Variants in CTNNA3 observed in about 807,000 individuals in gnomAD.
The protein encoded by CTNNA3 is catenin alpha 3, also known as catenin alpha-3.
Under a neutral mutation model 95.7 loss-of-function variants are expected in CTNNA3, and 76 were observed. The ratio of observed to expected loss-of-function variants is 0.79; its 90% CI spans 0.66 to 0.96. CTNNA3 has a LOEUF of 0.96. Among genes scored for constraint, CTNNA3 ranks in the 40% least tolerant of loss-of-function variants. CTNNA3 has a pLI of 0.00. For missense variants in CTNNA3, 1,191 were observed against 1,089.8 expected (o/e 1.09, Z -1.31); for synonymous variants, 431 against 374.4 (o/e 1.15, Z -1.74).
intron 9 of CTNNA3, among the ~76,000 whole-genome samples, chr10:66,651,340 C>T (rs916813804): frequency 1.3e-5 from 2 of 152,158 alleles, no homozygotes; most frequent in African/African-American, 2.4e-5. Flanking sequence ...ATATACAATC[C>T]TCCAGCTAGA....
At chr10:67,552,724 T>C (rs1841077815) in intron 3 of CTNNA3, among the ~76,000 whole-genome samples, 1 of 152,142 alleles carries the variant, frequency 6.6e-6, no homozygotes, top group South Asian at 2.1e-4. Flanking sequence ...TGCCCATGTG[T>C]TCTCATCACT....
At chr10:66,110,596 C>A (rs181056316) in intron 13 of CTNNA3, among the ~76,000 whole-genome samples, 2 of 152,076 alleles carry the variant, frequency 1.3e-5, no homozygotes. Context: ...ATCTTAATAC[C>A]AGAATTTAAT....
intron 16 of CTNNA3, among the ~76,000 whole-genome samples, chr10:65,978,232 C>T (rs77662514): frequency 0.04 from 6,043 of 152,094 alleles, 399 homozygotes; most frequent in African/African-American, 0.14. Flanking sequence ...TCCTCCAGTC[C>T]GCAGAATTTT....
At chr10:66,458,382 A>G (rs1348217824) in intron 11 of CTNNA3, among the ~76,000 whole-genome samples, 2 of 152,234 alleles carry the variant, frequency 1.3e-5, no homozygotes, top group Non-Finnish European at 2.9e-5. Context: ...TCACTTTTAA[A>G]AAGTGTTAAA....
chr10:67,544,910 C>T (rs1840792844), intron 3 of CTNNA3, among the ~76,000 whole-genome samples: 1 of 152,080 alleles, frequency 6.6e-6, no homozygotes, highest in African/African-American at 2.4e-5. Flanking sequence ...AGAGAGATAG[C>T]CAGGTAAAGG....
intron 5 of CTNNA3, among the ~76,000 whole-genome samples, chr10:67,493,386 C>A (rs1170802932): frequency 6.6e-6 from 1 of 151,848 alleles, no homozygotes; most frequent in Non-Finnish European, 1.5e-5. Flanking sequence ...ATGGTGAAAC[C>A]CCGTCTCTAC....
At chr10:66,667,520 C>A (rs115540016) in intron 9 of CTNNA3, among the ~76,000 whole-genome samples, 12 of 152,186 alleles carry the variant, frequency 7.9e-5, no homozygotes, top group African/African-American at 2.6e-4. Flanking sequence ...TGTACATTTC[C>A]TTACATAAAA....
intron 11 of CTNNA3, among the ~76,000 whole-genome samples, chr10:66,455,283 T>C (rs1183320134): frequency 6.6e-6 from 1 of 152,146 alleles, no homozygotes; most frequent in Non-Finnish European, 1.5e-5. Context: ...TTTTAAAATA[T>C]AAGAAATAAA....
intron 3 of CTNNA3, among the ~76,000 whole-genome samples, chr10:67,593,395 G>A (rs1244682944): frequency 6.6e-6 from 1 of 152,124 alleles, no homozygotes; most frequent in Non-Finnish European, 1.5e-5. Context: ...CATGAGCATG[G>A]AATGTTTTTC....
At chr10:67,060,361 C>T (rs1034778925) in intron 7 of CTNNA3, among the ~76,000 whole-genome samples, 2 of 151,980 alleles carry the variant, frequency 1.3e-5, no homozygotes, top group African/African-American at 2.4e-5. Flanking sequence ...CAATTAATTG[C>T]CAAGTGACTA....
intron 5 of CTNNA3, among the ~76,000 whole-genome samples, chr10:67,387,871 T>C (rs371332965): frequency 6.6e-6 from 1 of 152,124 alleles, no homozygotes; most frequent in Non-Finnish European, 1.5e-5. Context: ...AAGGAAAACT[T>C]ACAAACAGAA....
chr10:66,455,293 A>C (rs2131834111), intron 11 of CTNNA3, among the ~76,000 whole-genome samples: 1 of 152,344 alleles, frequency 6.6e-6, no homozygotes, highest in South Asian at 2.1e-4. Flanking sequence ...TAAGAAATAA[A>C]AACTTAAAAT....
chr10:66,007,192 A>C (rs1368469583), intron 15 of CTNNA3, among the ~76,000 whole-genome samples: 2 of 152,218 alleles, frequency 1.3e-5, no homozygotes, highest in Non-Finnish European at 2.9e-5. Flanking sequence ...CAATTGATTT[A>C]CATGCTTTAT....
intron 7 of CTNNA3, among the ~76,000 whole-genome samples, chr10:66,944,622 C>G (rs1453275984): frequency 6.6e-6 from 1 of 152,146 alleles, no homozygotes; most frequent in Admixed American, 6.5e-5. Flanking sequence ...GAATTATTAT[C>G]CAAGGCAGCA....
chr10:67,673,392 A>C (rs1262570466), intron 1 of CTNNA3, among the ~76,000 whole-genome samples: 1 of 150,278 alleles, frequency 6.7e-6, no homozygotes, highest in African/African-American at 2.4e-5. Context: ...AACTTCCAAC[A>C]CTATGTTGAA....
At chr10:67,428,187 A>C (rs1040417469) in intron 5 of CTNNA3, among the ~76,000 whole-genome samples, 1 of 152,100 alleles carries the variant, frequency 6.6e-6, no homozygotes, top group East Asian at 1.9e-4. Context: ...TTGACAGTAC[A>C]TATGTAGTAG....
rs370857707 is a variant in CTNNA3 at position 67,507,286 on chromosome 10, T to G, written c.579+14556A>C. 9.9e-5 allele frequency among the ~76,000 whole-genome samples: 15 copies of G among 152,226 alleles called. No individual in the cohort carries two copies. The East Asian group carries it at 2.7e-3, about 27-fold the overall frequency. ...GGCTCACGCCTGTAATCCCAGCACT[T>G]TGGGAGGCCGAGGCAGGTGGATCAC... On this transcript the variant is annotated intron_variant, in intron 5 of 17. Transcript: ENST00000433211.
In CTNNA3 at chr10:66,831,691, C is replaced by CA. The variant is rs372199930; in HGVS notation, c.1048-56168dup. ...AATAAAGAGTTGTGCAGAGAAGAAA[C>CA]AAAAAAAAGGGGAAGGAGCATGAGA... is the stretch of plus-strand genomic sequence containing the variant. On this transcript the variant is annotated intron_variant, in intron 7 of 17. Transcript: ENST00000433211. Among the ~76,000 whole-genome samples, 170 of 148,372 alleles carry CA rather than the reference C, an allele frequency of 1.1e-3. 1 individual carries two copies. The highest frequency in any genetic ancestry group is 3.3e-3 in the African/African-American group (132 of 40,292).
At chr10:66,489,074 A>T (rs1839832332) in intron 11 of CTNNA3, among the ~76,000 whole-genome samples, 1 of 152,162 alleles carries the variant, frequency 6.6e-6, no homozygotes, top group Admixed American at 6.5e-5. Flanking sequence ...GAGAAGACAG[A>T]CGTAGTGAAT....
Sources: allele counts gnomAD v4.1 joint callset (sites outside exome capture counted in the v4.1 genomes callset), GRCh38; gene constraint gnomAD v4.1.1; transcripts MANE v1.5; gene names NCBI Gene and HGNC (gene_info 2026-07-23, HGNC 2026-07-21).